WDR62: variants seen among roughly 807,000 people sequenced by gnomAD.
WDR62 encodes WD repeat-containing protein 62.
Under a neutral mutation model 160.6 loss-of-function variants are expected in WDR62, and 112 were observed. The observed-to-expected ratio is 0.70, with a 90% confidence interval of 0.60 to 0.82. The LOEUF (loss-of-function observed/expected upper bound fraction) is 0.82. Among genes scored for constraint, WDR62 ranks in the 40% least tolerant of loss-of-function variants. The pLI is 0.00. For synonymous variants in WDR62, 792 were observed against 815.1 expected, an observed-to-expected ratio of 0.97 and a Z score of 0.48; for missense variants, 1,819 against 1,983.8, an observed-to-expected ratio of 0.92 and a Z score of 1.58.
At chr19:36,068,238 C>T (rs1568331252) in intron 7 of WDR62, among the ~76,000 whole-genome samples, 3 of 152,156 alleles carry the variant, frequency 2.0e-5, no homozygotes, top group Admixed American at 6.5e-5. Flanking sequence ...GCAGTGAGCA[C>T]GGTGCTTGGT....
At chr19:36,109,459 C>T (rs182752602), downstream of WDR62, among the ~76,000 whole-genome samples, 8 of 152,266 alleles carry the variant, frequency 5.3e-5, no homozygotes, top group African/African-American at 1.7e-4. Context: ...AGTTGCCAGG[C>T]GCAATGGCTC....
At chr19:36,072,633 G>C (rs1599772409) in intron 8 of WDR62, among the ~76,000 whole-genome samples, 1 of 152,138 alleles carries the variant, frequency 6.6e-6, no homozygotes, top group East Asian at 1.9e-4. Flanking sequence ...CTGGATGCTA[G>C]CTCCTGGGTG....
At chr19:36,082,418 C>T (rs1415842904) in intron 10 of WDR62, among the ~76,000 whole-genome samples, 3 of 151,976 alleles carry the variant, frequency 2.0e-5, no homozygotes, top group Non-Finnish European at 4.4e-5. Context: ...GTATGAAGGC[C>T]CTGGGGTGGG....
rs1262044031 is a variant in WDR62 at position 36,104,657 on chromosome 19, C to A, written c.4293C>A (p.Ala1431=). The A allele has an allele frequency of 6.2e-7, 1 of 1,614,128 alleles. No individual in the cohort carries two copies. Among genetic ancestry groups the A allele is most frequent in the African/African-American group, 1.3e-5 (1 of 75,052 alleles). ...LHRLQTTFQE[A]LDLYRVLVSS... is the part of the protein sequence containing the mutation. ...GGCTGCAGACCACCTTCCAAGAAGC[C>A]CTCGACCTTTACCGTGTGGTGAGCT... Residue 1431 remains alanine, a synonymous_variant, in exon 31 of 32, where the codon GCC becomes GCA. Coordinates refer to ENST00000401500, the MANE Select transcript of WDR62 (RefSeq NM_001083961.2).
Position 36,082,768 on chromosome 19 carries a change from C to T in WDR62, c.1372-295C>T, listed in dbSNP as rs190974066. ...CATTTGAGGGAGCAGGCTATGTCCTCATGACCCAGTGTGGCTATGGGGGCT... is the reference window on the plus strand; with the variant it reads ...CATTTGAGGGAGCAGGCTATGTCCTTATGACCCAGTGTGGCTATGGGGGCT... On this transcript the variant is annotated intron_variant, in intron 10 of 31. Transcript: ENST00000401500. Among the ~76,000 whole-genome samples, 758 of 152,352 alleles carry T rather than the reference C, an allele frequency of 5.0e-3. 5 individuals are homozygous for T. The highest frequency in any genetic ancestry group is 5.9e-3 in the Non-Finnish European group (400 of 68,028).
At chr19:36,074,857 C>T (rs145735569) in intron 9 of WDR62, among the ~76,000 whole-genome samples, 1 of 152,226 alleles carries the variant, frequency 6.6e-6, no homozygotes, top group Non-Finnish European at 1.5e-5. Flanking sequence ...GACTTCCCTG[C>T]CCCCAGTTCT....
Position 36,105,057 on chromosome 19 carries a change from T to C in WDR62, c.*29T>C, listed in dbSNP as rs750746167. 11 of 1,586,798 alleles carry C rather than the reference T, an allele frequency of 6.9e-6. No individual in the cohort carries two copies. In the African/African-American group the frequency reaches 1.5e-4, roughly 21 times the overall value. On this transcript the variant is annotated 3_prime_UTR_variant, in exon 32 of 32. Transcript: ENST00000401500. ...CGCAGCCCCTCCACCGCAGCCCTGCTGCTTCTGAGGACTTAGGTATTTTAA... is the reference window on the plus strand; with the variant it reads ...CGCAGCCCCTCCACCGCAGCCCTGCCGCTTCTGAGGACTTAGGTATTTTAA...
intron 10 of WDR62, among the ~76,000 whole-genome samples, 181 bp from the exon 11 acceptor site, chr19:36,082,882 T>G (rs889330509): frequency 3.3e-5 from 5 of 152,212 alleles, no homozygotes; most frequent in Admixed American, 2.6e-4. Context: ...AGTTCAGAAT[T>G]TATTCACATA....
intron 1 of WDR62, among the ~76,000 whole-genome samples, chr19:36,057,853 A>C (rs1309667671): frequency 6.6e-6 from 1 of 152,182 alleles, no homozygotes; most frequent in Non-Finnish European, 1.5e-5. Context: ...TGATGTGGGG[A>C]AACTGTCTAC....
At chr19:36,076,557 CAAAAAA>C in intron 9 of WDR62, among the ~76,000 whole-genome samples, 1 of 108,380 alleles carries the variant, frequency 9.2e-6, no homozygotes, top group African/African-American at 3.4e-5. Context: ...GATCCTATCT[CAAAAAA>C]AAAAAAAAGA....
intron 9 of WDR62, 158 bp downstream of exon 9, chr19:36,073,689 G>C (rs1971426693): frequency 1.4e-6 from 1 of 714,520 alleles, no homozygotes; most frequent in Non-Finnish European, 2.5e-6. Flanking sequence ...CAAAATCCCT[G>C]CCCTTAACAA....
intron 21 of WDR62, among the ~76,000 whole-genome samples, chr19:36,098,248 C>T (rs147126429): frequency 3.2e-3 from 479 of 150,288 alleles, no homozygotes; most frequent in Non-Finnish European, 4.7e-3. Flanking sequence ...GATGGCAGAA[C>T]GAGACCTTGT....
chr19:36,104,244 G>A (rs1373279745), intron 30 of WDR62, among the ~76,000 whole-genome samples: 1 of 152,220 alleles, frequency 6.6e-6, no homozygotes, highest in African/African-American at 2.4e-5. Flanking sequence ...CCCGTCATAT[G>A]TATCACGAAG....
chr19:36,058,986 A>T (rs1387913363), intron 2 of WDR62, 115 bp downstream of exon 2: 1 of 859,026 alleles, frequency 1.2e-6, no homozygotes. Context: ...GAATGTGGAG[A>T]ATGGGGCCTG....
intron 21 of WDR62, among the ~76,000 whole-genome samples, chr19:36,097,306 C>T (rs1317209404): frequency 6.6e-6 from 1 of 152,246 alleles, no homozygotes; most frequent in Non-Finnish European, 1.5e-5. Flanking sequence ...AAAAGTCTCT[C>T]CCTTCACAGG....
chr19:36,069,544 C>T (rs1299528683), intron 7 of WDR62, among the ~76,000 whole-genome samples: 5 of 146,458 alleles, frequency 3.4e-5, no homozygotes, highest in Non-Finnish European at 6.0e-5. Flanking sequence ...ACATCCCAGA[C>T]GATGGGCGGC....
rs529119484 is a variant in WDR62 at position 36,055,026 on chromosome 19, C to G, written c.55C>G (p.Pro19Ala). ...GCGGAACGATGCAGGGGAGAAGCTG[C>G]CCTCTGTCATGGCGGGAGTTCCGGC... The part of the protein sequence containing the change: ...YARNDAGEKL[P>A]SVMAGVPARR... Residue 19 changes from proline to alanine, a missense_variant, in exon 1 of 32, where the codon CCC (proline) becomes GCC (alanine). Transcript: ENST00000401500. 1.9e-6 allele frequency: 3 copies of G among 1,608,276 alleles called. No individual in the cohort carries two copies. The African/African-American group carries it at 4.0e-5, about 21-fold the overall frequency.
chr19:36,073,300 A>G (rs1971396806), intron 8 of WDR62, 42 bp from the exon 9 acceptor site: 1 of 1,603,688 alleles, frequency 6.2e-7, no homozygotes, highest in Admixed American at 1.7e-5. Context: ...GTCACTACTC[A>G]GTGACATTGA....
chr19:36,059,640 G>A (rs1319178796), intron 2 of WDR62, among the ~76,000 whole-genome samples: 1 of 151,954 alleles, frequency 6.6e-6, no homozygotes, highest in Non-Finnish European at 1.5e-5. Flanking sequence ...TCACTCTGTC[G>A]CCCAGGCTGG....
Sources: allele counts gnomAD v4.1 joint callset (sites outside exome capture counted in the v4.1 genomes callset), GRCh38; gene constraint gnomAD v4.1.1; transcripts MANE v1.5; gene names NCBI Gene and HGNC (gene_info 2026-07-23, HGNC 2026-07-21).